Variants in FBXL7 observed in about 807,000 individuals in gnomAD.
The protein encoded by FBXL7 is F-box and leucine rich repeat protein 7.
In FBXL7, 12 loss-of-function variants were observed where a neutral mutation model predicts 38.3. That is an observed-to-expected ratio of 0.31 (90% CI 0.20 to 0.51). The LOEUF is 0.51. FBXL7 is among the 20% of genes least tolerant of loss of function. The pLI is 0.98. For synonymous variants in FBXL7, 297 were observed against 300.9 expected (o/e 0.99, Z 0.13); for missense variants, 567 against 676.4 (o/e 0.84, Z 1.79).
At chr5:15,762,452 C>T (rs1348609720) in intron 2 of FBXL7, among the ~76,000 whole-genome samples, 1 of 152,160 alleles carries the variant, frequency 6.6e-6, no homozygotes, top group Admixed American at 6.5e-5. Flanking sequence ...ATAGCACAGC[C>T]ATTTTCTTAA....
At chr5:15,854,788 C>T (rs1050434521) in intron 2 of FBXL7, among the ~76,000 whole-genome samples, 15 of 152,088 alleles carry the variant, frequency 9.9e-5, no homozygotes, top group Admixed American at 9.8e-4. Flanking sequence ...GTTACCCAAA[C>T]TTTTTAGTCA....
chr5:15,917,809 C>A, intron 2 of FBXL7, among the ~76,000 whole-genome samples: 1 of 148,990 alleles, frequency 6.7e-6, no homozygotes, highest in African/African-American at 2.5e-5. Flanking sequence ...GGGACATCAG[C>A]AAATGTTTAA....
chr5:15,704,321 T>G (rs1743616451), intron 2 of FBXL7, among the ~76,000 whole-genome samples: 1 of 152,208 alleles, frequency 6.6e-6, no homozygotes, highest in South Asian at 2.1e-4. Flanking sequence ...CCTTGGAAAT[T>G]CAAAGACTAT....
At chr5:15,619,727 T>G (rs1740565122) in intron 2 of FBXL7, among the ~76,000 whole-genome samples, 1 of 152,192 alleles carries the variant, frequency 6.6e-6, no homozygotes, top group South Asian at 2.1e-4. Context: ...TAATATTCAG[T>G]TTTCCGGCAG....
chr5:15,558,096 T>A (rs1401799022), intron 1 of FBXL7, among the ~76,000 whole-genome samples: 2 of 152,194 alleles, frequency 1.3e-5, no homozygotes, highest in East Asian at 3.9e-4. Context: ...ATTTTGTGAA[T>A]GTAATGAATA....
At chr5:15,754,400 AGTTGGT>A (rs1288685322) in intron 2 of FBXL7, among the ~76,000 whole-genome samples, 1 of 152,080 alleles carries the variant, frequency 6.6e-6, no homozygotes, top group Non-Finnish European at 1.5e-5. Flanking sequence ...CCCAACCAAG[AGTTGGT>A]GTATTGGAGT....
intron 1 of FBXL7, among the ~76,000 whole-genome samples, chr5:15,528,113 G>T (rs970967219): frequency 6.6e-6 from 1 of 151,830 alleles, no homozygotes; most frequent in African/African-American, 2.4e-5. Flanking sequence ...CCTCTTCTTT[G>T]TTCCTGTATC....
chr5:15,706,892 A>G (rs768099486), intron 2 of FBXL7, among the ~76,000 whole-genome samples: 6 of 152,028 alleles, frequency 3.9e-5, no homozygotes, highest in Non-Finnish European at 5.9e-5. Flanking sequence ...CGACATCTCA[A>G]AGTTCCCCAG....
At chr5:15,701,229 C>T (rs941542306) in intron 2 of FBXL7, among the ~76,000 whole-genome samples, 68 of 152,244 alleles carry the variant, frequency 4.5e-4, no homozygotes, top group African/African-American at 1.5e-3. Context: ...CGACTACTTT[C>T]TGTGTCTCTG....
chr5:15,771,241 C>T (rs532973614), intron 2 of FBXL7, among the ~76,000 whole-genome samples: 2 of 152,324 alleles, frequency 1.3e-5, no homozygotes, highest in African/African-American at 4.8e-5. Flanking sequence ...GCTTTTCCCT[C>T]ACCATACATC....
At chr5:15,775,197 G>A (rs1303747145) in intron 2 of FBXL7, among the ~76,000 whole-genome samples, 5 of 152,180 alleles carry the variant, frequency 3.3e-5, no homozygotes, top group Non-Finnish European at 7.4e-5. Flanking sequence ...GAAAGATAGG[G>A]AAGATGTAGT....
intron 1 of FBXL7, among the ~76,000 whole-genome samples, chr5:15,529,847 C>A (rs537609846): frequency 6.6e-6 from 1 of 152,162 alleles, no homozygotes; most frequent in African/African-American, 2.4e-5. Flanking sequence ...TATATACTCT[C>A]GTTGCCTACA....
intron 2 of FBXL7, among the ~76,000 whole-genome samples, chr5:15,840,132 A>T (rs1207074979): frequency 6.6e-6 from 1 of 152,192 alleles, no homozygotes; most frequent in African/African-American, 2.4e-5. Context: ...CAATACTGAC[A>T]TTTGTTCCAT....
intron 2 of FBXL7, among the ~76,000 whole-genome samples, chr5:15,656,412 C>G (rs1434718891): frequency 6.6e-6 from 1 of 152,106 alleles, no homozygotes; most frequent in African/African-American, 2.4e-5. Context: ...ACAATCATCA[C>G]AGAAGGCAAG....
At chr5:15,783,037 C>T (rs1047706719) in intron 2 of FBXL7, among the ~76,000 whole-genome samples, 3 of 151,914 alleles carry the variant, frequency 2.0e-5, no homozygotes, top group East Asian at 1.9e-4. Flanking sequence ...AAGCAGAGAG[C>T]GGGTAGGAAG....
intron 2 of FBXL7, among the ~76,000 whole-genome samples, chr5:15,775,946 C>A (rs182215946): frequency 6.6e-6 from 1 of 152,052 alleles, no homozygotes; most frequent in Non-Finnish European, 1.5e-5. Context: ...GAAGAGACTA[C>A]GTTTTTAACT....
chr5:15,500,393 G>A lies in FBXL7; in HGVS notation c.-284G>A. ...GCGGTGAGCCTCTGGGCGGCCCCGG[G>A]GCGCGGGCTGTGCGCGGCGCTGCGC... is the stretch of plus-strand genomic sequence containing the variant. On this transcript the variant is annotated 5_prime_UTR_variant, in exon 1 of 4. Coordinates refer to ENST00000504595, the MANE Select transcript of FBXL7 (RefSeq NM_012304.5). 4.1e-6 allele frequency: 1 copy of A among 246,228 alleles called. No homozygotes were observed. The highest frequency in any genetic ancestry group is 7.7e-6 in the Non-Finnish European group (1 of 129,494). The allele number at this position is 246,228 out of a possible 1,614,324, so 15.3% of individuals were successfully genotyped here.
At chr5:15,721,714 T>C (rs972112994) in intron 2 of FBXL7, among the ~76,000 whole-genome samples, 8 of 152,192 alleles carry the variant, frequency 5.3e-5, no homozygotes, top group African/African-American at 1.2e-4. Flanking sequence ...TCTCAAAACA[T>C]TTTCTTTTCA....
chr5:15,894,095 A>C (rs1022660114), intron 2 of FBXL7, among the ~76,000 whole-genome samples: 4 of 152,214 alleles, frequency 2.6e-5, no homozygotes, highest in Admixed American at 2.6e-4. Flanking sequence ...TGACCAACAG[A>C]GAAACCCCAT....
Sources: gnomAD v4.1 joint callset for allele counts (sites outside exome capture counted in the v4.1 genomes callset) on GRCh38, gnomAD v4.1.1 for gene constraint, MANE v1.5 for transcripts, NCBI Gene and HGNC (gene_info 2026-07-23, HGNC 2026-07-21) for gene names.